Variants in CYLD observed in about 807,000 individuals in gnomAD.
CYLD encodes the protein ubiquitin carboxyl-terminal hydrolase CYLD.
A neutral mutation model predicts 104.5 loss-of-function variants in CYLD; 26 were observed. The observed-to-expected ratio is 0.25, with a 90% confidence interval of 0.18 to 0.35. The LOEUF (loss-of-function observed/expected upper bound fraction) is 0.35, where lower values mean the gene tolerates loss of function less well. CYLD is among the 10% of genes least tolerant of loss of function. The pLI is 1.00. For synonymous variants in CYLD, 385 were observed against 399.9 expected, an observed-to-expected ratio of 0.96 and a Z score of 0.45; for missense variants, 703 against 1,136.1, an observed-to-expected ratio of 0.62 and a Z score of 5.48.
chr16:50,766,146 C>T (rs1231372532), intron 5 of CYLD, among the ~76,000 whole-genome samples: 3 of 152,198 alleles, frequency 2.0e-5, no homozygotes, highest in Non-Finnish European at 4.4e-5. Context: ...TTCAAAGCTT[C>T]AAAGGATAGG....
intron 16 of CYLD, 119 bp from the exon 17 acceptor site, chr16:50,793,427 T>C: frequency 1.3e-6 from 1 of 798,958 alleles, no homozygotes. Flanking sequence ...AGAAAGAGAC[T>C]TTTTTGAAGC....
chr16:50,755,346 T>A (rs1967094629), intron 5 of CYLD, among the ~76,000 whole-genome samples: 1 of 152,242 alleles, frequency 6.6e-6, no homozygotes, highest in East Asian at 1.9e-4. Context: ...AACGTGCATG[T>A]GCAAGTATCT....
At position 50,749,896 on chromosome 16, in the gene CYLD, G is replaced by A; in HGVS notation, c.198G>A (p.Lys66=). The A allele has an allele frequency of 6.2e-7, 1 of 1,614,126 alleles. No homozygotes were observed. The highest frequency in any genetic ancestry group is 1.1e-5 in the South Asian group (1 of 91,084). The change falls in exon 3 of 19, where the codon AAG becomes AAA. Residue 66 remains lysine (K), a synonymous_variant. Coordinates refer to ENST00000427738, the MANE Select transcript of CYLD (RefSeq NM_001378743.1). ...CAAGGATTCCTTCTGCAAAAGGCAAGAAAAATCAGATTGGATTAAAAATTC... is the reference window on the plus strand; with the variant it reads ...CAAGGATTCCTTCTGCAAAAGGCAAAAAAAATCAGATTGGATTAAAAATTC... ...GHSRIPSAKG[K]KNQIGLKILE...
At chr16:50,746,050 G>C (rs746728177) in intron 2 of CYLD, among the ~76,000 whole-genome samples, 26 of 152,058 alleles carry the variant, frequency 1.7e-4, no homozygotes, top group Admixed American at 7.9e-4. Context: ...ATATGTGAGA[G>C]AGTGTGTGAC....
At chr16:50,787,029 G>A in intron 13 of CYLD, 83 bp downstream of exon 13, 1 of 1,149,210 alleles carries the variant, frequency 8.7e-7, no homozygotes, top group Non-Finnish European at 1.3e-6. Context: ...GTGTGTCTGT[G>A]TAGTTGGGGG....
In CYLD at chr16:50,767,127, A is replaced by G. The variant is rs182457361; in HGVS notation, c.914-8039A>G. On this transcript the variant is annotated intron_variant, in intron 5 of 18. Transcript: ENST00000427738. ...TTAGGAAATTGCCACGGTCACTCCA[A>G]CTTTCAGCAACCATCACCGTGATCA... Among the ~76,000 whole-genome samples the G allele has an allele frequency of 1.2e-3, 178 of 152,324 alleles. 1 individual carries two copies. The highest frequency in any genetic ancestry group is 3.9e-3 in the African/African-American group (164 of 41,578).
chr16:50,750,168 C>G lies in CYLD; in HGVS notation c.470C>G (p.Thr157Arg). 6.2e-7 allele frequency: 1 copy of G among 1,613,950 alleles called. No individual in the cohort carries two copies. Residue 157 changes from threonine (T) to arginine (R), a missense_variant, in exon 3 of 19, where the codon ACA becomes AGA. Transcript: ENST00000427738. ...RFRGPLLAER[T>R]VSGIFFGVEL... ...AGAGGACCCCTGTTAGCAGAGAGGA[C>G]AGTCTCCGGAATATTCTTTGGAGTT...
chr16:50,799,477 C>CCTAGTTTT lies in CYLD; in HGVS notation c.*2969_*2970insCTAGTTTT. 8.6e-6 allele frequency: 2 copies of CCTAGTTTT among 233,726 alleles called. No individual in the cohort carries two copies. Among genetic ancestry groups the CCTAGTTTT allele is most frequent in the Non-Finnish European group, 1.7e-5 (2 of 118,008 alleles). 14.5% of individuals were successfully genotyped at this position (233,726 alleles called of 1,614,324 possible). A position where few individuals can be genotyped will look rare whatever the true frequency, so the allele number is the denominator to read the frequency against. On this transcript the variant is annotated 3_prime_UTR_variant, in exon 19 of 19. Coordinates refer to ENST00000427738, the MANE Select transcript of CYLD (RefSeq NM_001378743.1). ...AAAACACGTTGAAAACTAGGATAAA[C>CCTAGTTTT]AGCAACAAAAATCAACTAAATATGT...
intron 14 of CYLD, among the ~76,000 whole-genome samples, chr16:50,788,838 A>G (rs1220976524): frequency 6.6e-6 from 1 of 152,242 alleles, no homozygotes; most frequent in Non-Finnish European, 1.5e-5. Context: ...ACTTCATGAA[A>G]GTATAAAATA....
rs183103204 is a variant in CYLD, at chr16:50,750,639, T to C, written c.504+437T>C. On this transcript the variant is annotated intron_variant, in intron 3 of 18. Transcript: ENST00000427738. ...AAGATGATGTCGAAACTTAAAAAAC[T>C]ATGTACTATGGTAGGAACATACAAA... 3.0e-4 allele frequency among the ~76,000 whole-genome samples: 46 copies of C among 152,334 alleles called. 2 individuals carry two copies. The highest frequency in any genetic ancestry group is 1.0e-3 in the African/African-American group (43 of 41,578).
At chr16:50,769,035 G>C (rs1329620822) in intron 5 of CYLD, among the ~76,000 whole-genome samples, 1 of 152,020 alleles carries the variant, frequency 6.6e-6, no homozygotes, top group Non-Finnish European at 1.5e-5. Context: ...CATCCATGTT[G>C]TCCTTTTTAT....
intron 5 of CYLD, among the ~76,000 whole-genome samples, chr16:50,755,160 CACGTGTACATAT>C (rs1367940115): frequency 0.02 from 2,676 of 136,534 alleles, 305 homozygotes; most frequent in African/African-American, 0.071. Flanking sequence ...TGTATATACA[CACGTGTACATAT>C]GTGTGTGTAT....
At chr16:50,768,913 T>C (rs1968818512) in intron 5 of CYLD, among the ~76,000 whole-genome samples, 1 of 152,226 alleles carries the variant, frequency 6.6e-6, no homozygotes, top group East Asian at 1.9e-4. Flanking sequence ...ACTGGTCTTC[T>C]TTACATCAGT....
intron 11 of CYLD, 147 bp downstream of exon 11, chr16:50,782,613 T>A: frequency 1.2e-6 from 1 of 802,376 alleles, no homozygotes; most frequent in Non-Finnish European, 2.0e-6. Flanking sequence ...TGGGTCAGGA[T>A]TGAAAGGGAG....
rs1243169394 is a variant in CYLD, at chr16:50,799,928, A to T, written c.*3420A>T. 4.3e-6 allele frequency: 1 copy of T among 232,968 alleles called. No homozygotes were observed. Among genetic ancestry groups the T allele is most frequent in the Non-Finnish European group, 8.5e-6 (1 of 117,968 alleles). The allele number at this position is 232,968 out of a possible 1,614,324, so 14.4% of individuals were successfully genotyped here. A position where few individuals can be genotyped will look rare whatever the true frequency, so the allele number is the denominator to read the frequency against. Reference sequence around the variant, plus strand: ...AGGTGCCTAGGATTGTATCAGAGGGAATATGAAATGTGTCCCTGCCCTACC... The same window carrying T: ...AGGTGCCTAGGATTGTATCAGAGGGTATATGAAATGTGTCCCTGCCCTACC... On this transcript the variant is annotated 3_prime_UTR_variant, in exon 19 of 19. Coordinates refer to ENST00000427738, the MANE Select transcript of CYLD (RefSeq NM_001378743.1).
At chr16:50,755,279 A>G (rs1967085712) in intron 5 of CYLD, among the ~76,000 whole-genome samples, 1 of 151,576 alleles carries the variant, frequency 6.6e-6, no homozygotes, top group Non-Finnish European at 1.5e-5. Flanking sequence ...CGACTTGTTC[A>G]TTGATGGGCA....
intron 2 of CYLD, among the ~76,000 whole-genome samples, chr16:50,747,206 G>A (rs79589438): frequency 0.085 from 12,978 of 152,180 alleles, 718 homozygotes; most frequent in South Asian, 0.24. Context: ...CTTTCAGAAT[G>A]TATGCATTCC....
At chr16:50,784,092 C>T (rs1045442911) in intron 11 of CYLD, 10 of 451,848 alleles carry the variant, frequency 2.2e-5, no homozygotes, top group East Asian at 2.2e-4. Flanking sequence ...GCCAATCTGC[C>T]GTTTGCTTTC....
chr16:50,792,723 T>G lies in CYLD; in HGVS notation c.2350+18T>G, dbSNP rs751685907. The G allele has an allele frequency of 4.6e-6, 6 of 1,301,186 alleles. No homozygotes were observed. The highest frequency in any genetic ancestry group is 6.6e-6 in the Non-Finnish European group (6 of 910,342). The allele number at this position is 1,301,186 out of a possible 1,614,324, so 80.6% of individuals were successfully genotyped here. ...TGAAGACAGTAAGTATGAGATTTTT[T>G]TAGTTTGTTTTGTTGGTTTTGTGGA... On this transcript the variant is annotated intron_variant, in intron 16 of 18. Transcript: ENST00000427738.
Sources: allele counts gnomAD v4.1 joint callset (sites outside exome capture counted in the v4.1 genomes callset), GRCh38; gene constraint gnomAD v4.1.1; transcripts MANE v1.5; gene names NCBI Gene and HGNC (gene_info 2026-07-23, HGNC 2026-07-21).